The following AGPS variants were observed in gnomAD, a reference collection of about 807,000 sequenced individuals.
AGPS encodes the protein alkyldihydroxyacetonephosphate synthase, peroxisomal.
In AGPS, 26 loss-of-function variants were observed where a neutral mutation model predicts 90.7. That is an observed-to-expected ratio of 0.29 (90% confidence interval 0.21 to 0.40). AGPS has a LOEUF of 0.40. Ranked by LOEUF, AGPS falls within the 10% of genes least tolerant of loss-of-function variation. AGPS has a pLI of 1.00. For synonymous variants in AGPS, 294 were observed against 285.3 expected, an observed-to-expected ratio of 1.03 and a Z score of -0.31; for missense variants, 540 against 816.1, an observed-to-expected ratio of 0.66 and a Z score of 4.12.
intron 7 of AGPS, 27 bp downstream of exon 7, chr2:177,442,513 A>T (rs2105638685): frequency 6.5e-7 from 1 of 1,533,826 alleles, no homozygotes; most frequent in East Asian, 2.2e-5. Context: ...GATATATTTA[A>T]AACATTTTCT....
intron 8 of AGPS, among the ~76,000 whole-genome samples, chr2:177,445,909 T>G (rs1243988179): frequency 1.3e-5 from 2 of 152,176 alleles, no homozygotes; most frequent in East Asian, 3.8e-4. Flanking sequence ...GAGTGAAAAT[T>G]GCTATGTGGA....
At chr2:177,459,865 T>C (rs1687236277) in intron 8 of AGPS, among the ~76,000 whole-genome samples, 1 of 152,210 alleles carries the variant, frequency 6.6e-6, no homozygotes, top group African/African-American at 2.4e-5. Flanking sequence ...CACATGCACA[T>C]GTATGTTTAC....
intron 10 of AGPS, among the ~76,000 whole-genome samples, chr2:177,480,225 G>T (rs1687903768): frequency 6.6e-6 from 1 of 152,100 alleles, no homozygotes; most frequent in Non-Finnish European, 1.5e-5. Context: ...TCCCATTACT[G>T]GGTATATACC....
At chr2:177,492,492 C>G (rs529889662) in intron 11 of AGPS, among the ~76,000 whole-genome samples, 1 of 152,170 alleles carries the variant, frequency 6.6e-6, no homozygotes, top group South Asian at 2.1e-4. Flanking sequence ...CAAAGATACT[C>G]TTATGCCAAT....
chr2:177,515,495 G>C (rs893079518), intron 17 of AGPS, among the ~76,000 whole-genome samples: 1 of 148,816 alleles, frequency 6.7e-6, no homozygotes, highest in African/African-American at 2.5e-5. Flanking sequence ...CCAAGTTCCT[G>C]TTCAACATCT....
rs573195789 is a variant in AGPS, at chr2:177,542,902, T to C, written c.*4707T>C. Reference sequence around the variant, plus strand: ...AAATGAGTGGGAGAGGGTAAGTCTTTAGACAGAGGTCATTCAGCAGTTCAA... The same window carrying C: ...AAATGAGTGGGAGAGGGTAAGTCTTCAGACAGAGGTCATTCAGCAGTTCAA... On this transcript the variant is annotated 3_prime_UTR_variant, in exon 20 of 20. Transcript: ENST00000264167. The C allele has an allele frequency of 1.3e-5, 2 of 152,314 alleles. No individual in the cohort carries two copies. Among genetic ancestry groups the C allele is most frequent in the Admixed American group, 6.5e-5 (1 of 15,304 alleles). 9.4% of individuals were successfully genotyped at this position (152,314 alleles called of 1,614,324 possible).
At chr2:177,446,106 A>G (rs1451772741) in intron 8 of AGPS, among the ~76,000 whole-genome samples, 1 of 151,888 alleles carries the variant, frequency 6.6e-6, no homozygotes, top group South Asian at 2.1e-4. Flanking sequence ...AGAACAATCC[A>G]GAGGAAGGAG....
intron 14 of AGPS, among the ~76,000 whole-genome samples, chr2:177,500,974 C>T (rs76053408): frequency 0.021 from 3,263 of 152,044 alleles, 76 homozygotes; most frequent in South Asian, 0.056. Flanking sequence ...TTTTTAGTTT[C>T]TAAGTTATAG....
chr2:177,504,988 C>A (rs186534314), intron 14 of AGPS, among the ~76,000 whole-genome samples: 4 of 151,946 alleles, frequency 2.6e-5, no homozygotes, highest in Non-Finnish European at 4.4e-5. Flanking sequence ...TAAGACCTTA[C>A]CTGTGTTGGT....
chr2:177,477,156 G>C (rs1184373280), intron 10 of AGPS, among the ~76,000 whole-genome samples: 2 of 151,892 alleles, frequency 1.3e-5, no homozygotes, highest in African/African-American at 4.8e-5. Flanking sequence ...TATTGGTATG[G>C]TCGGATTTAT....
In AGPS at chr2:177,513,848, A is replaced by G. The variant is rs951741391; in HGVS notation, c.1637A>G (p.Glu546Gly). The change falls in exon 17 of 20, where the codon GAA becomes GGA. Residue 546 changes from glutamate (E) to glycine (G), a missense_variant. Around this residue, in one of 2 missense-constraint regions of AGPS, gnomAD observed 405 missense variants for 692.1 expected, o/e 0.59. Transcript: ENST00000264167. ...RVVDLCRNVK[E>G]RITRECKEKG... ...GTAGATCTCTGTAGAAATGTAAAAG[A>G]AAGAATAACAAGGGAATGCAAAGAG... 5.0e-6 allele frequency: 8 copies of G among 1,608,142 alleles called. No individual in the cohort carries two copies. Among genetic ancestry groups the G allele is most frequent in the South Asian group, 1.1e-5 (1 of 90,978 alleles).
intron 15 of AGPS, 100 bp from the exon 16 acceptor site, chr2:177,507,870 G>A: frequency 1.1e-6 from 1 of 904,184 alleles, no homozygotes. Flanking sequence ...AGTTAAATGA[G>A]AAACATGTGA....
At chr2:177,505,352 T>C (rs2105717992) in intron 14 of AGPS, among the ~76,000 whole-genome samples, 154 bp from the exon 15 acceptor site, 1 of 152,158 alleles carries the variant, frequency 6.6e-6, no homozygotes, top group Admixed American at 6.5e-5. Flanking sequence ...TTTTATTTCG[T>C]GGATAAAAGT....
chr2:177,480,409 G>T (rs1286016471), intron 10 of AGPS, among the ~76,000 whole-genome samples: 1 of 152,130 alleles, frequency 6.6e-6, no homozygotes, highest in Non-Finnish European at 1.5e-5. Flanking sequence ...AAAAAATGAT[G>T]AGTTCATGTC....
intron 1 of AGPS, among the ~76,000 whole-genome samples, chr2:177,409,561 G>T (rs1264866040): frequency 6.6e-6 from 1 of 152,134 alleles, no homozygotes. Flanking sequence ...AATCCAGCTA[G>T]TCTTGTCTCT....
chr2:177,474,179 A>G (rs1393084504), intron 10 of AGPS, among the ~76,000 whole-genome samples: 1 of 152,200 alleles, frequency 6.6e-6, no homozygotes, highest in African/African-American at 2.4e-5. Context: ...CAAGAATGTT[A>G]TAGGGAAAAA....
chr2:177,394,782 GA>G (rs991384652), intron 1 of AGPS, among the ~76,000 whole-genome samples: 3 of 151,974 alleles, frequency 2.0e-5, no homozygotes, highest in African/African-American at 7.3e-5. Context: ...TGTGAGAATT[GA>G]AAAAAATAGA....
At chr2:177,436,600 C>A (rs531436519) in intron 3 of AGPS, among the ~76,000 whole-genome samples, 164 bp from the exon 4 acceptor site, 1 of 152,082 alleles carries the variant, frequency 6.6e-6, no homozygotes, top group African/African-American at 2.4e-5. Context: ...ATTTGTTACT[C>A]TCATAAAGCT....
At position 177,456,507 on chromosome 2, in the gene AGPS, A is replaced by T. The variant is rs1050456943; in HGVS notation, c.871-5386A>T. Among the ~76,000 whole-genome samples, 5 of 152,300 alleles carry T rather than the reference A, an allele frequency of 3.3e-5. No homozygotes were observed. The East Asian group carries it at 9.6e-4, about 29-fold the overall frequency. ...AAAAACCCAGGTTTTCAACCATTAC[A>T]CTTTCTTCACTTATTTAGTAGGAAG... On this transcript the variant is annotated intron_variant, in intron 8 of 19. Coordinates refer to ENST00000264167, the MANE Select transcript of AGPS (RefSeq NM_003659.4).
Sources: gnomAD v4.1 joint callset for allele counts (sites outside exome capture counted in the v4.1 genomes callset) on GRCh38, gnomAD v4.1.1 for gene constraint, gnomAD v4.1.1 regional missense constraint, MANE v1.5 for transcripts, NCBI Gene and HGNC (gene_info 2026-07-23, HGNC 2026-07-21) for gene names.